The following R3HDM1 variants were observed in gnomAD, a reference collection of about 807,000 sequenced individuals.
R3HDM1 encodes R3H domain-containing protein 1.
R3HDM1 carries 46 observed loss-of-function variants against 141.1 expected under a neutral mutation model. The ratio of observed to expected loss-of-function variants is 0.33; its 90% CI spans 0.26 to 0.42. The LOEUF (loss-of-function observed/expected upper bound fraction) is 0.42, where lower values mean the gene tolerates loss of function less well. R3HDM1 is among the 10% of genes least tolerant of loss of function. The pLI is 1.00. For missense variants in R3HDM1, 1,184 were observed against 1,368.3 expected (o/e 0.87, Z 2.12); for synonymous variants, 435 against 472.9 (o/e 0.92, Z 1.04).
At chr2:135,612,926 A>G (rs2060674964) in intron 3 of R3HDM1, among the ~76,000 whole-genome samples, 1 of 152,248 alleles carries the variant, frequency 6.6e-6, no homozygotes, top group Non-Finnish European at 1.5e-5. Context: ...TTATGTATGT[A>G]TGGCATATTT....
Position 135,709,529 on chromosome 2 carries a change from A to G in R3HDM1, c.2556A>G (p.Gln852=), listed in dbSNP as rs749232091. ...PCSSQQLQGH[Q]CTAGPPPPPG... is the part of the protein sequence containing the mutation. ...GTTCCCAGCAGCTTCAAGGCCACCAATGTACAGGTATAAAGAAATCAGTGA... is the reference window on the plus strand; with the variant it reads ...GTTCCCAGCAGCTTCAAGGCCACCAGTGTACAGGTATAAAGAAATCAGTGA... The change falls in exon 22 of 27, where the codon CAA becomes CAG. Residue 852 remains glutamine (Q), a synonymous_variant. Transcript: ENST00000683871. The G allele has an allele frequency of 1.2e-5, 19 of 1,613,894 alleles. No individual in the cohort carries two copies. The Admixed American group carries it at 2.0e-4, about 17-fold the overall frequency.
At chr2:135,650,876 T>C (rs893113270) in intron 17 of R3HDM1, 7 of 985,320 alleles carry the variant, frequency 7.1e-6, no homozygotes, top group African/African-American at 5.2e-5. Flanking sequence ...AAGTCATTTT[T>C]TTCAGTGTTG....
intron 1 of R3HDM1, among the ~76,000 whole-genome samples, chr2:135,546,517 A>G (rs1698724722): frequency 6.6e-6 from 1 of 152,188 alleles, no homozygotes; most frequent in Non-Finnish European, 1.5e-5. Flanking sequence ...TCTCCCCTTT[A>G]TATTCCCCTT....
chr2:135,610,870 C>T lies in R3HDM1; in HGVS notation c.172-5282C>T, dbSNP rs991768483. Reference sequence around the variant, plus strand: ...GGCTCCTGCCAGCACTTTGGGATGCCGAGGCAGGAGGTTTACCTGAGCCCA... The same window carrying T: ...GGCTCCTGCCAGCACTTTGGGATGCTGAGGCAGGAGGTTTACCTGAGCCCA... On this transcript the variant is annotated intron_variant, in intron 3 of 26. Transcript: ENST00000683871. 2.6e-5 allele frequency among the ~76,000 whole-genome samples: 4 copies of T among 152,060 alleles called. No individual in the cohort carries two copies. In the South Asian group the frequency reaches 8.3e-4, roughly 32 times the overall value.
chr2:135,597,575 CA>C (rs1244497769), intron 1 of R3HDM1, among the ~76,000 whole-genome samples: 1 of 152,116 alleles, frequency 6.6e-6, no homozygotes, highest in African/African-American at 2.4e-5. Flanking sequence ...TGCTTTTGTG[CA>C]TTTGATTTTC....
In R3HDM1 at chr2:135,627,343, TC is replaced by T. The variant is rs1277593662; in HGVS notation, c.498-4374del. Among the ~76,000 whole-genome samples the T allele has an allele frequency of 3.9e-5, 6 of 152,286 alleles. No homozygotes were observed. The East Asian group carries it at 7.7e-4, about 20-fold the overall frequency. ...CTTTCCTTTTTGGATATCTTTAATT[TC>T]AAGATTTTTGTTCACATCATTAAAT... On this transcript the variant is annotated intron_variant, in intron 7 of 26. Transcript: ENST00000683871.
At chr2:135,561,955 A>G (rs969454035) in intron 1 of R3HDM1, among the ~76,000 whole-genome samples, 16 of 152,318 alleles carry the variant, frequency 1.1e-4, no homozygotes, top group African/African-American at 3.6e-4. Flanking sequence ...GAATGAGTCC[A>G]GCCATCTATT....
Position 135,560,548 on chromosome 2 carries a change from G to A in R3HDM1, c.-250+28915G>A, listed in dbSNP as rs150328098. 3.2e-3 allele frequency among the ~76,000 whole-genome samples: 483 copies of A among 152,192 alleles called. 2 individuals carry two copies. Among genetic ancestry groups the A allele is most frequent in the Middle Eastern group, 6.8e-3 (2 of 294 alleles). ...AGGATGGTCTCAATCTCCTGACCTC[G>A]TGATCCGCCCACCTCAGCTTCCCAA... On this transcript the variant is annotated intron_variant, in intron 1 of 26. Coordinates refer to ENST00000683871, the MANE Select transcript of R3HDM1 (RefSeq NM_001378107.1).
At chr2:135,699,045 A>AGATTAGATAGATT (rs202144929) in intron 21 of R3HDM1, among the ~76,000 whole-genome samples, 2 of 129,824 alleles carry the variant, frequency 1.5e-5, no homozygotes, top group South Asian at 2.6e-4. Flanking sequence ...ATAGATAGAT[A>AGATTAGATAGATT]AGATAGATAA....
rs2064294437 is a variant in R3HDM1 at position 135,645,492 on chromosome 2, C to T, written c.1588C>T (p.Pro530Ser). ...GPPQPPLPAP[P>S]QQPAANHIFS... ...TCCACAGCCACCTCTGCCAGCCCCA[C>T]CTCAACAACCAGCAGCTAATCACAT... The change falls in exon 16 of 27, where the codon CCT becomes TCT. Residue 530 changes from proline to serine, a missense_variant. Physicochemically the swap from Pro to Ser is moderately conservative, Grantham distance 74. Transcript: ENST00000683871. 1.2e-6 allele frequency: 2 copies of T among 1,614,132 alleles called. No individual in the cohort carries two copies. Among genetic ancestry groups the T allele is most frequent in the East Asian group, 2.2e-5 (1 of 44,892 alleles).
At chr2:135,686,504 G>A (rs2071362139) in intron 21 of R3HDM1, among the ~76,000 whole-genome samples, 1 of 152,196 alleles carries the variant, frequency 6.6e-6, no homozygotes, top group African/African-American at 2.4e-5. Flanking sequence ...TTGAGGCCAA[G>A]GCATGAGGAT....
intron 1 of R3HDM1, among the ~76,000 whole-genome samples, chr2:135,564,753 C>G (rs1702419168): frequency 6.6e-6 from 1 of 152,130 alleles, no homozygotes; most frequent in South Asian, 2.1e-4. Context: ...AATACACATT[C>G]ATAGAGGACA....
intron 19 of R3HDM1, chr2:135,670,543 T>C: frequency 8.2e-6 from 3 of 364,508 alleles, no homozygotes; most frequent in Non-Finnish European, 1.1e-5. Context: ...GTCTGTGTCA[T>C]ATAACCCCAT....
chr2:135,540,718 ATGT>A (rs917565359), intron 1 of R3HDM1, among the ~76,000 whole-genome samples: 8 of 152,158 alleles, frequency 5.3e-5, no homozygotes, highest in African/African-American at 9.7e-5. Context: ...ATGCCCACAA[ATGT>A]TGTTAATGGC....
chr2:135,715,965 A>T (rs183320492), intron 24 of R3HDM1, among the ~76,000 whole-genome samples: 45 of 152,356 alleles, frequency 3.0e-4, no homozygotes, highest in African/African-American at 1.1e-3. Flanking sequence ...CCATTCCTCT[A>T]TAGTAATAAT....
rs1187974590 is a variant in R3HDM1, at chr2:135,583,956, T to C, written c.-249-18544T>C. 5 of 985,458 alleles carry C rather than the reference T, an allele frequency of 5.1e-6. No individual in the cohort carries two copies. In the African/African-American group the frequency reaches 8.7e-5, roughly 17 times the overall value. 61.0% of individuals were successfully genotyped at this position (985,458 alleles called of 1,614,324 possible). On this transcript the variant is annotated intron_variant, in intron 1 of 26. Coordinates refer to ENST00000683871, the MANE Select transcript of R3HDM1 (RefSeq NM_001378107.1). ...AAACCCTGTAGAGTCAATATACTTCTATTTTTGCAGAAGTTGCTGGACATT... is the reference window on the plus strand; with the variant it reads ...AAACCCTGTAGAGTCAATATACTTCCATTTTTGCAGAAGTTGCTGGACATT...
At chr2:135,561,438 G>A (rs956811689) in intron 1 of R3HDM1, 60 of 743,896 alleles carry the variant, frequency 8.1e-5, no homozygotes, top group Non-Finnish European at 9.4e-5. Context: ...TAAGCTTGGT[G>A]GGACGTGGTG....
In R3HDM1 at chr2:135,675,412, A is replaced by G. The variant is rs765602494; in HGVS notation, c.2233A>G (p.Ser745Gly). The stretch of plus-strand genomic sequence containing the variant: ...GCAACCCCAGAGTCAGAGCCTAGTC[A>G]GTGGCCAACCCAACAGCATTGGAAA... ...VQQPQSQSLV[S>G]GQPNSIGNQI... Residue 745 changes from serine (S) to glycine (G), a missense_variant, in exon 20 of 27, where the codon AGT (serine) becomes GGT (glycine). Physicochemically the swap from Ser to Gly is moderately conservative, Grantham distance 56. Around this residue, in one of 5 missense-constraint regions of R3HDM1, gnomAD observed 563 missense variants for 562.0 expected, o/e 1.00. Transcript: ENST00000683871. 5 of 1,614,016 alleles carry G rather than the reference A, an allele frequency of 3.1e-6. No homozygotes were observed. Among genetic ancestry groups the G allele is most frequent in the South Asian group, 2.2e-5 (2 of 91,076 alleles).
intron 21 of R3HDM1, among the ~76,000 whole-genome samples, chr2:135,686,582 A>T (rs1463023225): frequency 1.3e-5 from 2 of 152,170 alleles, no homozygotes; most frequent in African/African-American, 2.4e-5. Context: ...CAAAAAATTT[A>T]AAAAGTAGCT....
Sources: gnomAD v4.1 joint callset for allele counts (sites outside exome capture counted in the v4.1 genomes callset) on GRCh38, gnomAD v4.1.1 for gene constraint, gnomAD v4.1.1 regional missense constraint, MANE v1.5 for transcripts, NCBI Gene and HGNC (gene_info 2026-07-23, HGNC 2026-07-21) for gene names.